The following GPC5 variants were observed in gnomAD, a reference collection of about 807,000 sequenced individuals.
GPC5 encodes glypican 5.
A neutral mutation model predicts 53.9 loss-of-function variants in GPC5; 47 were observed. The ratio of observed to expected loss-of-function variants is 0.87; its 90% CI spans 0.69 to 1.11. GPC5 has a LOEUF of 1.11. GPC5 is among the 50% of genes most tolerant of loss of function. The pLI is 0.00. For synonymous variants in GPC5, 286 were observed against 263.3 expected (o/e 1.09, Z -0.84); for missense variants, 748 against 713.1 (o/e 1.05, Z -0.56).
chr13:91,568,935 G>T (rs9523365), intron 2 of GPC5, among the ~76,000 whole-genome samples: 1 of 151,944 alleles, frequency 6.6e-6, no homozygotes, highest in Non-Finnish European at 1.5e-5. Context: ...ATTTGTAGTA[G>T]AAACAGGGTT....
chr13:91,788,203 C>G (rs531078629), intron 5 of GPC5, among the ~76,000 whole-genome samples: 62 of 152,296 alleles, frequency 4.1e-4, no homozygotes, highest in African/African-American at 1.4e-3. Context: ...TAGTGAGGGC[C>G]TTCTTCCTGG....
chr13:91,760,180 T>G (rs978562841), intron 5 of GPC5, among the ~76,000 whole-genome samples: 6 of 152,158 alleles, frequency 3.9e-5, no homozygotes, highest in African/African-American at 1.4e-4. Context: ...TTCTACTAAT[T>G]CAGATTTTCC....
chr13:92,706,352 T>A (rs1295245737), intron 7 of GPC5, among the ~76,000 whole-genome samples: 2 of 152,038 alleles, frequency 1.3e-5, no homozygotes, highest in East Asian at 3.8e-4. Context: ...TATGTGTGAT[T>A]ATATCTAGAA....
At chr13:92,555,987 T>A (rs1882481213) in intron 7 of GPC5, among the ~76,000 whole-genome samples, 2 of 151,652 alleles carry the variant, frequency 1.3e-5, no homozygotes, top group African/African-American at 2.4e-5. Flanking sequence ...ATATAAGTAA[T>A]CTTCCTGGGC....
rs190770727 is a variant in GPC5 at position 92,596,335 on chromosome 13, G to A, written c.1562-269947G>A. ...AGAAATAAACAAAAAATAAAACACC[G>A]TGTTTAAATATTCAGATGGCATATA... On this transcript the variant is annotated intron_variant, in intron 7 of 7. Transcript: ENST00000377067. Among the ~76,000 whole-genome samples the A allele has an allele frequency of 8.0e-4, 122 of 152,038 alleles. 3 individuals carry two copies. Among genetic ancestry groups the A allele is most frequent in the Admixed American group, 7.2e-3 (110 of 15,256 alleles).
intron 7 of GPC5, among the ~76,000 whole-genome samples, chr13:92,256,239 C>T (rs1291873977): frequency 6.6e-6 from 1 of 151,692 alleles, no homozygotes; most frequent in Non-Finnish European, 1.5e-5. Flanking sequence ...AAGATGGTGT[C>T]CTCAATTGGA....
intron 7 of GPC5, among the ~76,000 whole-genome samples, chr13:92,330,408 A>G (rs948953479): frequency 5.9e-5 from 9 of 152,066 alleles, no homozygotes; most frequent in Admixed American, 3.3e-4. Context: ...TTCATTTACT[A>G]TTTCTTTAAT....
At chr13:91,704,402 G>A (rs188552067) in intron 3 of GPC5, among the ~76,000 whole-genome samples, 11 of 152,150 alleles carry the variant, frequency 7.2e-5, no homozygotes, top group African/African-American at 2.6e-4. Context: ...ACCCACCCCC[G>A]CCACAGAGCA....
At chr13:92,127,237 A>G (rs1426701995) in intron 6 of GPC5, among the ~76,000 whole-genome samples, 1 of 152,060 alleles carries the variant, frequency 6.6e-6, no homozygotes, top group East Asian at 1.9e-4. Context: ...TTTGAACCAA[A>G]AGTAAACACT....
At chr13:91,429,695 A>G (rs1385408873) in intron 1 of GPC5, among the ~76,000 whole-genome samples, 1 of 152,244 alleles carries the variant, frequency 6.6e-6, no homozygotes, top group African/African-American at 2.4e-5. Context: ...GGTGTGAGAC[A>G]GAGAAAAGGT....
chr13:92,020,122 C>G (rs2040744596), intron 6 of GPC5, among the ~76,000 whole-genome samples: 1 of 152,086 alleles, frequency 6.6e-6, no homozygotes, highest in South Asian at 2.1e-4. Flanking sequence ...CATTGCATTT[C>G]TCTGAGCCTT....
intron 7 of GPC5, among the ~76,000 whole-genome samples, chr13:92,532,009 G>A (rs1334351174): frequency 6.6e-6 from 1 of 152,092 alleles, no homozygotes; most frequent in Non-Finnish European, 1.5e-5. Context: ...ATTTTATATG[G>A]TTGCTTCTTT....
rs765108461 is a variant in GPC5 at position 92,536,259 on chromosome 13, G to GC, written c.1562-330023_1562-330022insC. The stretch of plus-strand genomic sequence containing the variant: ...ATCCATGTCAGCTACATTTCCGATA[G>GC]TATTCAGTTAATAGTTTTAATAAAT... On this transcript the variant is annotated intron_variant, in intron 7 of 7. Transcript: ENST00000377067. Among the ~76,000 whole-genome samples the GC allele has an allele frequency of 5.0e-4, 76 of 152,052 alleles. 2 individuals carry two copies. The highest frequency in any genetic ancestry group is 2.2e-4 in the Non-Finnish European group (15 of 68,002).
chr13:92,431,466 G>A (rs1298052056), intron 7 of GPC5, among the ~76,000 whole-genome samples: 7 of 148,932 alleles, frequency 4.7e-5, no homozygotes, highest in African/African-American at 5.0e-5. Flanking sequence ...AATAGTTGAG[G>A]CAACTAGAAA....
intron 6 of GPC5, among the ~76,000 whole-genome samples, chr13:92,007,770 T>C (rs942477940): frequency 6.6e-6 from 1 of 152,160 alleles, no homozygotes; most frequent in African/African-American, 2.4e-5. Context: ...GCTTGTTCTT[T>C]TCCTCCTTTT....
chr13:92,505,053 C>G (rs1246004476), intron 7 of GPC5, among the ~76,000 whole-genome samples: 2 of 151,502 alleles, frequency 1.3e-5, no homozygotes, highest in African/African-American at 4.8e-5. Flanking sequence ...TGTTAAGAAA[C>G]TTTAGAGAGT....
chr13:91,741,085 A>G (rs2140068577), intron 4 of GPC5, among the ~76,000 whole-genome samples: 1 of 152,272 alleles, frequency 6.6e-6, no homozygotes, highest in South Asian at 2.1e-4. Context: ...GTATTTGCAT[A>G]ATAGGGAGTG....
At chr13:91,506,768 T>A (rs1393273015) in intron 2 of GPC5, among the ~76,000 whole-genome samples, 1 of 152,112 alleles carries the variant, frequency 6.6e-6, no homozygotes, top group African/African-American at 2.4e-5. Flanking sequence ...AAAAATATAA[T>A]GAATTATTTA....
At chr13:91,674,555 ATGTGTATATATACGCATATATATGC>A (rs2035331787) in intron 2 of GPC5, among the ~76,000 whole-genome samples, 2 of 148,596 alleles carry the variant, frequency 1.3e-5, no homozygotes, top group Non-Finnish European at 3.0e-5. Context: ...ATATATGCGT[ATGTGTATATATACGCATATATATGC>A]GTATGTGTAT....
Sources: gnomAD v4.1 joint callset for allele counts (sites outside exome capture counted in the v4.1 genomes callset) on GRCh38, gnomAD v4.1.1 for gene constraint, MANE v1.5 for transcripts, NCBI Gene and HGNC (gene_info 2026-07-23, HGNC 2026-07-21) for gene names.